KIF17: variants seen among roughly 807,000 people sequenced by gnomAD.
The protein encoded by KIF17 is kinesin family member 17.
A neutral mutation model predicts 96.8 loss-of-function variants in KIF17; 80 were observed. The ratio of observed to expected loss-of-function variants is 0.83; its 90% CI spans 0.69 to 1.00. The LOEUF (loss-of-function observed/expected upper bound fraction) is 1.00. KIF17 is among the 50% of genes least tolerant of loss of function. KIF17 has a pLI of 0.00. For missense variants in KIF17, 1,280 were observed against 1,372.9 expected, an observed-to-expected ratio of 0.93 and a Z score of 1.07; for synonymous variants, 567 against 587.5, an observed-to-expected ratio of 0.97 and a Z score of 0.51.
intron 4 of KIF17, among the ~76,000 whole-genome samples, chr1:20,705,741 C>G (rs1218100228): frequency 6.6e-6 from 1 of 152,116 alleles, no homozygotes; most frequent in African/African-American, 2.4e-5. Context: ...CAGATGTGCT[C>G]TTGCACCCAA....
intron 6 of KIF17, among the ~76,000 whole-genome samples, chr1:20,696,145 A>G (rs534154852): frequency 6.6e-6 from 1 of 152,154 alleles, no homozygotes; most frequent in African/African-American, 2.4e-5. Context: ...GACGGACCCT[A>G]GGAATCTTCT....
chr1:20,664,766 TG>T lies in KIF17; in HGVS notation c.2909-5del. On this transcript the variant is annotated splice_polypyrimidine_tract_variant and splice_region_variant and intron_variant, in intron 14 of 14. Transcript: ENST00000400463. ...CCTGGTGGCGAGTTGTGATGTGCTG[TG>T]GGGAAGAGGGCAGAGGTGCTGGTAA... The T allele has an allele frequency of 6.2e-7, 1 of 1,611,624 alleles. No homozygotes were observed. Among genetic ancestry groups the T allele is most frequent in the Non-Finnish European group, 8.5e-7 (1 of 1,179,610 alleles).
intron 3 of KIF17, among the ~76,000 whole-genome samples, chr1:20,711,479 G>A (rs933799569): frequency 1.3e-5 from 2 of 152,200 alleles, no homozygotes; most frequent in African/African-American, 2.4e-5. Flanking sequence ...GGCCAGAGCC[G>A]GGTCACCATG....
chr1:20,695,109 C>T (rs183415564), intron 6 of KIF17, among the ~76,000 whole-genome samples: 15 of 149,344 alleles, frequency 1.0e-4, no homozygotes, highest in East Asian at 6.0e-4. Context: ...TGCACATGCA[C>T]GCACACGCAT....
Position 20,709,593 on chromosome 1 carries a change from T to A in KIF17, c.670+46A>T. The A allele has an allele frequency of 6.2e-7, 1 of 1,606,290 alleles. No homozygotes were observed. Among genetic ancestry groups the A allele is most frequent in the Non-Finnish European group, 8.5e-7 (1 of 1,174,452 alleles). ...GGTGGCGTGCCTTGGCTAGTGGGAG[T>A]GGCTGGGTCATCTGTCCCCCTGCCC... is the stretch of plus-strand genomic sequence containing the variant. On this transcript the variant is annotated intron_variant, in intron 4 of 14. Coordinates refer to ENST00000400463, the MANE Select transcript of KIF17 (RefSeq NM_001122819.3). This position sits in a 1 kb window ranked among gnomAD's most constrained non-coding sequence, Gnocchi z 4.7.
chr1:20,698,695 G>A (rs748289910), intron 5 of KIF17, among the ~76,000 whole-genome samples: 1 of 152,112 alleles, frequency 6.6e-6, no homozygotes, highest in African/African-American at 2.4e-5. Flanking sequence ...CTGAGGATGC[G>A]GCATTGAACA....
intron 12 of KIF17, 120 bp downstream of exon 12, chr1:20,671,818 C>G: frequency 8.1e-7 from 1 of 1,235,892 alleles, no homozygotes; most frequent in Non-Finnish European, 1.1e-6. Flanking sequence ...ATCAGGTACC[C>G]AGGGTCACGT....
chr1:20,691,307 A>G (rs1341123862), intron 6 of KIF17, among the ~76,000 whole-genome samples: 1 of 151,902 alleles, frequency 6.6e-6, no homozygotes, highest in East Asian at 1.9e-4. Flanking sequence ...TAAAAATAAA[A>G]CAGAAATAAA....
At position 20,686,056 on chromosome 1, in the gene KIF17, G is replaced by A. The variant is rs41312008; in HGVS notation, c.2009C>T (p.Pro670Leu). 1,857 of 1,557,012 alleles carry A rather than the reference G, an allele frequency of 1.2e-3. 1 individual carries two copies. The highest frequency in any genetic ancestry group is 1.5e-3 in the Non-Finnish European group (1,670 of 1,149,928). Residue 670 changes from proline to leucine, a missense_variant, in exon 9 of 15, where the codon CCG becomes CTG. Physicochemically the swap from Pro to Leu is moderately conservative, Grantham distance 98. Coordinates refer to ENST00000400463, the MANE Select transcript of KIF17 (RefSeq NM_001122819.3). ...CGGGGAGGTACTCACAGGCCTGGGCGGGAAGTCATCAGCCGCCTCGGCTTC... is the reference window on the plus strand; with the variant it reads ...CGGGGAGGTACTCACAGGCCTGGGCAGGAAGTCATCAGCCGCCTCGGCTTC... ...RPEAEAADDF[P>L]PRPEVDLASE...
intron 11 of KIF17, among the ~76,000 whole-genome samples, chr1:20,675,774 AAT>A (rs2053727975): frequency 6.6e-6 from 1 of 152,368 alleles, no homozygotes; most frequent in Non-Finnish European, 1.5e-5. Context: ...ACCTCTCACC[AAT>A]ATGAGTCTGC....
intron 4 of KIF17, among the ~76,000 whole-genome samples, chr1:20,708,932 G>A (rs2054389384): frequency 6.6e-6 from 1 of 152,176 alleles, no homozygotes; most frequent in Non-Finnish European, 1.5e-5. Context: ...GAATCCACAA[G>A]GTTGGAGTGA....
Position 20,670,411 on chromosome 1 carries a change from C to T in KIF17, c.2790+10G>A, listed in dbSNP as rs760659596. ...CCCCGACACCCCACTCCCTCTCCCG[C>T]GGTCCTCACCATGTTCGGCTCGCCA... On this transcript the variant is annotated intron_variant, in intron 13 of 14. Transcript: ENST00000400463. 2.5e-6 allele frequency: 4 copies of T among 1,613,214 alleles called. No individual in the cohort carries two copies. Among genetic ancestry groups the T allele is most frequent in the African/African-American group, 1.3e-5 (1 of 75,054 alleles).
intron 5 of KIF17, among the ~76,000 whole-genome samples, chr1:20,703,909 C>G (rs547316161): frequency 3.4e-4 from 51 of 149,784 alleles, no homozygotes; most frequent in African/African-American, 1.2e-3. Context: ...CCAGCCTGGG[C>G]GACAGAGCGA....
At chr1:20,691,834 A>C (rs1423541810) in intron 6 of KIF17, among the ~76,000 whole-genome samples, 1 of 152,192 alleles carries the variant, frequency 6.6e-6, no homozygotes, top group Non-Finnish European at 1.5e-5. Flanking sequence ...TTATCCACAC[A>C]GCAATATATC....
chr1:20,711,070 G>A (rs2054426949), intron 3 of KIF17, among the ~76,000 whole-genome samples: 1 of 152,086 alleles, frequency 6.6e-6, no homozygotes, highest in Non-Finnish European at 1.5e-5. Flanking sequence ...GTGACTTGCT[G>A]GTTGGGGAGG....
At chr1:20,703,131 A>G (rs1253326786) in intron 5 of KIF17, among the ~76,000 whole-genome samples, 1 of 151,770 alleles carries the variant, frequency 6.6e-6, no homozygotes, top group African/African-American at 2.4e-5. Flanking sequence ...AATGAATGGA[A>G]GATGGGTAGG....
chr1:20,706,200 C>T (rs1339278638), intron 4 of KIF17, among the ~76,000 whole-genome samples: 2 of 151,490 alleles, frequency 1.3e-5, no homozygotes, highest in Non-Finnish European at 2.9e-5. Context: ...GCCACTGTGC[C>T]CAGACTTGTT....
chr1:20,663,108 C>T (rs1360885510), downstream of KIF17, among the ~76,000 whole-genome samples: 2 of 152,072 alleles, frequency 1.3e-5, no homozygotes, highest in African/African-American at 4.8e-5. Flanking sequence ...CCTGTAATCC[C>T]AGCTACTCAT....
chr1:20,695,291 G>C (rs554851273), intron 6 of KIF17, among the ~76,000 whole-genome samples: 1 of 152,038 alleles, frequency 6.6e-6, no homozygotes. Context: ...GGGTTCAACC[G>C]ATTCTCCTGC....
Sources: gnomAD v4.1 joint callset for allele counts (sites outside exome capture counted in the v4.1 genomes callset) on GRCh38, gnomAD v4.1.1 for gene constraint, Gnocchi (gnomAD v3.1) non-coding constraint, MANE v1.5 for transcripts, NCBI Gene and HGNC (gene_info 2026-07-23, HGNC 2026-07-21) for gene names.